Variants in NXPE2 observed in about 807,000 individuals in gnomAD.
NXPE2 encodes the protein neurexophilin and PC-esterase domain family member 2, also known as NXPE family member 2.
Under a neutral mutation model 34.4 loss-of-function variants are expected in NXPE2, and 34 were observed. The observed-to-expected ratio is 0.99, with a 90% CI of 0.75 to 1.31. The LOEUF is 1.31. Among genes scored for constraint, NXPE2 ranks in the 40% most tolerant of loss-of-function variants. The probability of loss-of-function intolerance (pLI) is 0.00; values close to 1 mark genes in which losing one functional copy is unlikely to be tolerated. For synonymous variants in NXPE2, 235 were observed against 231.3 expected, an observed-to-expected ratio of 1.02 and a Z score of -0.15; for missense variants, 649 against 672.5, an observed-to-expected ratio of 0.97 and a Z score of 0.39.
the NXPE2 span, among the ~76,000 whole-genome samples, chr11:114,754,856 G>A: frequency 1.3e-5 from 2 of 152,190 alleles, no homozygotes; most frequent in Non-Finnish European, 2.9e-5. Flanking sequence ...TGGGTCCCAG[G>A]GAATAGCAGT....
chr11:114,582,200 A>T, the NXPE2 span: 1 of 1,400,674 alleles, frequency 7.1e-7, no homozygotes, highest in Non-Finnish European at 9.6e-7. Flanking sequence ...ACCCAAAATT[A>T]ATACACTCAC....
chr11:114,811,392 C>A, the NXPE2 span, among the ~76,000 whole-genome samples: 1 of 151,852 alleles, frequency 6.6e-6, no homozygotes, highest in East Asian at 1.9e-4. Flanking sequence ...AAAGACCACA[C>A]ACACAAAAAA....
the NXPE2 span, among the ~76,000 whole-genome samples, chr11:114,792,791 T>C: frequency 6.6e-6 from 1 of 152,250 alleles, no homozygotes; most frequent in South Asian, 2.1e-4. Context: ...TAATTGATTC[T>C]GCTAAACACT....
At chr11:114,507,407 AC>A in the NXPE2 span, among the ~76,000 whole-genome samples, 2 of 152,192 alleles carry the variant, frequency 1.3e-5, no homozygotes, top group African/African-American at 4.8e-5. Flanking sequence ...TCATACTGAT[AC>A]CAAAACCTGG....
the NXPE2 span, among the ~76,000 whole-genome samples, chr11:114,809,395 A>T: frequency 6.6e-6 from 1 of 151,784 alleles, no homozygotes; most frequent in Middle Eastern, 3.4e-3. Context: ...GAAAAGAGGA[A>T]GTCAAATTGT....
At chr11:114,684,156 G>A (rs186246966) in intron 2 of NXPE2, among the ~76,000 whole-genome samples, 7 of 152,208 alleles carry the variant, frequency 4.6e-5, no homozygotes, top group East Asian at 3.9e-4. Context: ...GGCCAGGCCC[G>A]GTGGCTTATG....
chr11:114,559,944 C>T, the NXPE2 span: 5 of 152,232 alleles, frequency 3.3e-5, no homozygotes, highest in African/African-American at 1.2e-4. Context: ...ATTGGCTTAT[C>T]TTGGGGTGGA....
At chr11:114,610,823 C>T in the NXPE2 span, among the ~76,000 whole-genome samples, 2 of 151,804 alleles carry the variant, frequency 1.3e-5, no homozygotes, top group African/African-American at 4.8e-5. Context: ...TCACTGTTAC[C>T]CTGTGGATAA....
At chr11:114,552,732 G>T in the NXPE2 span, 1 of 204,624 alleles carries the variant, frequency 4.9e-6, no homozygotes. Flanking sequence ...AGTGCGTATG[G>T]ATATGTTTCA....
intron 4 of NXPE2, 108 bp downstream of exon 4, chr11:114,704,160 G>T (rs1951428253): frequency 5.1e-6 from 4 of 787,198 alleles, no homozygotes. Flanking sequence ...CTCATTTCCT[G>T]GGACAAATTA....
the NXPE2 span, among the ~76,000 whole-genome samples, chr11:114,640,771 C>T: frequency 5.3e-5 from 8 of 151,786 alleles, 1 homozygote; most frequent in Non-Finnish European, 1.2e-4. Context: ...AAATGTGTGT[C>T]CATGTAATTT....
the NXPE2 span, among the ~76,000 whole-genome samples, chr11:114,783,846 A>G: frequency 6.6e-6 from 1 of 152,274 alleles, no homozygotes; most frequent in Non-Finnish European, 1.5e-5. Context: ...TGATTCTTAT[A>G]ATCAGGTGAA....
At chr11:114,644,023 C>G in the NXPE2 span, among the ~76,000 whole-genome samples, 1 of 151,920 alleles carries the variant, frequency 6.6e-6, no homozygotes, top group East Asian at 1.9e-4. Flanking sequence ...CTCTTTGCAG[C>G]AATTGTGAAT....
At chr11:114,551,063 G>A in the NXPE2 span, 98 of 1,103,642 alleles carry the variant, frequency 8.9e-5, 1 homozygote, top group South Asian at 7.5e-4. Context: ...ACAGGTGAGG[G>A]CTTACTGTGT....
the NXPE2 span, among the ~76,000 whole-genome samples, chr11:114,591,877 C>A: frequency 6.6e-6 from 1 of 152,098 alleles, no homozygotes. Context: ...TATATTATGT[C>A]CCTAATTTTT....
the NXPE2 span, among the ~76,000 whole-genome samples, chr11:114,775,877 AACG>A: frequency 5.9e-5 from 4 of 67,664 alleles, no homozygotes; most frequent in Non-Finnish European, 1.2e-4. Flanking sequence ...AAAACAAAAA[AACG>A]AAAAAAAAAA....
At chr11:114,775,619 A>G in the NXPE2 span, among the ~76,000 whole-genome samples, 1 of 152,214 alleles carries the variant, frequency 6.6e-6, no homozygotes, top group East Asian at 1.9e-4. Flanking sequence ...CCACGTGGGA[A>G]TGAGTGAGTG....
intron 2 of NXPE2, among the ~76,000 whole-genome samples, chr11:114,697,511 T>C (rs1951280392): frequency 6.6e-6 from 1 of 152,228 alleles, no homozygotes; most frequent in African/African-American, 2.4e-5. Flanking sequence ...AAATTTGTGA[T>C]GCTTTGTGAT....
chr11:114,580,479 C>G, the NXPE2 span: 3 of 651,928 alleles, frequency 4.6e-6, no homozygotes, highest in African/African-American at 1.8e-5. Flanking sequence ...GAAGTATTCT[C>G]TTAATGGAAC....
Sources: gnomAD v4.1 joint callset for allele counts (sites outside exome capture counted in the v4.1 genomes callset) on GRCh38, gnomAD v4.1.1 for gene constraint, MANE v1.5 for transcripts, NCBI Gene and HGNC (gene_info 2026-07-23, HGNC 2026-07-21) for gene names.